Variants in SCHIP1 observed in about 807,000 individuals in gnomAD.
The protein encoded by SCHIP1 is schwannomin-interacting protein 1.
Under a neutral mutation model 29.7 loss-of-function variants are expected in SCHIP1, and 8 were observed. The observed-to-expected ratio is 0.27, with a 90% confidence interval of 0.16 to 0.49. The LOEUF is 0.49. SCHIP1 is among the 20% of genes least tolerant of loss of function. SCHIP1 has a pLI of 0.99. For synonymous variants in SCHIP1, 76 were observed against 94.9 expected (o/e 0.80, Z 1.16); for missense variants, 193 against 294.6 (o/e 0.66, Z 2.52).
the SCHIP1 span, among the ~76,000 whole-genome samples, chr3:159,409,206 C>A: frequency 6.6e-6 from 1 of 152,006 alleles, no homozygotes; most frequent in Non-Finnish European, 1.5e-5. Flanking sequence ...AAACTAAAAG[C>A]CTTTTCTCTA....
the SCHIP1 span, among the ~76,000 whole-genome samples, chr3:159,470,744 G>T: frequency 6.6e-6 from 1 of 151,782 alleles, no homozygotes; most frequent in Non-Finnish European, 1.5e-5. Flanking sequence ...ATCAACTGTC[G>T]AACCAAAACA....
At chr3:159,587,256 T>C in the SCHIP1 span, among the ~76,000 whole-genome samples, 1 of 152,230 alleles carries the variant, frequency 6.6e-6, no homozygotes, top group African/African-American at 2.4e-5. Flanking sequence ...TTTTGAATTA[T>C]GTATCATCTT....
chr3:159,659,111 C>T, the SCHIP1 span, among the ~76,000 whole-genome samples: 1 of 152,202 alleles, frequency 6.6e-6, no homozygotes, highest in Non-Finnish European at 1.5e-5. Flanking sequence ...GCACATAGTA[C>T]ATACTTGAAA....
At chr3:159,403,295 A>G in the SCHIP1 span, among the ~76,000 whole-genome samples, 18 of 152,334 alleles carry the variant, frequency 1.2e-4, no homozygotes, top group African/African-American at 4.3e-4. Flanking sequence ...ATGAACAAGT[A>G]TCCACACCAA....
the SCHIP1 span, among the ~76,000 whole-genome samples, chr3:159,706,024 C>A: frequency 9.2e-5 from 14 of 152,094 alleles, no homozygotes; most frequent in African/African-American, 2.4e-5. Flanking sequence ...GACTCTTGAT[C>A]AGGGATCCAA....
the SCHIP1 span, among the ~76,000 whole-genome samples, chr3:159,714,666 C>A: frequency 6.6e-6 from 1 of 152,136 alleles, no homozygotes; most frequent in Admixed American, 6.5e-5. Flanking sequence ...CAGTCTGAGA[C>A]CAAACTGCAA....
At chr3:159,523,837 C>T in the SCHIP1 span, among the ~76,000 whole-genome samples, 1 of 152,320 alleles carries the variant, frequency 6.6e-6, no homozygotes, top group East Asian at 1.9e-4. Flanking sequence ...CAATGTAACA[C>T]ACACTCCAAT....
the SCHIP1 span, among the ~76,000 whole-genome samples, chr3:159,492,632 AC>A: frequency 6.6e-6 from 1 of 152,226 alleles, no homozygotes; most frequent in Non-Finnish European, 1.5e-5. Flanking sequence ...TAATTGCTGT[AC>A]CTGAAAGTGA....
chr3:159,565,552 C>T, the SCHIP1 span, among the ~76,000 whole-genome samples: 1 of 152,178 alleles, frequency 6.6e-6, no homozygotes, highest in Non-Finnish European at 1.5e-5. Context: ...TCCTTCTCCA[C>T]AAGGAGAGAG....
chr3:159,631,998 A>G, the SCHIP1 span, among the ~76,000 whole-genome samples: 1,866 of 152,194 alleles, frequency 0.012, 41 homozygotes, highest in African/African-American at 0.042. Flanking sequence ...TAAAAACTCT[A>G]AATTTTACTT....
the SCHIP1 span, among the ~76,000 whole-genome samples, chr3:159,283,000 C>A: frequency 6.6e-6 from 1 of 152,004 alleles, no homozygotes; most frequent in Non-Finnish European, 1.5e-5. Flanking sequence ...TGCATCAAAT[C>A]TGTAAACTAA....
the SCHIP1 span, among the ~76,000 whole-genome samples, chr3:159,430,676 A>C: frequency 6.6e-6 from 1 of 152,290 alleles, no homozygotes; most frequent in African/African-American, 2.4e-5. Flanking sequence ...TGAAAGCCCC[A>C]TGTGAGAAAT....
the SCHIP1 span, among the ~76,000 whole-genome samples, chr3:159,425,656 A>C: frequency 8.5e-5 from 13 of 152,174 alleles, no homozygotes; most frequent in African/African-American, 3.1e-4. Context: ...TAACAAGGAT[A>C]CCCAGGAATT....
the SCHIP1 span, among the ~76,000 whole-genome samples, chr3:159,618,605 T>C: frequency 6.6e-6 from 1 of 152,254 alleles, no homozygotes; most frequent in Admixed American, 6.5e-5. Flanking sequence ...TTTTGTTTTC[T>C]TGAAGTAGTC....
At chr3:159,533,501 A>G in the SCHIP1 span, among the ~76,000 whole-genome samples, 1 of 152,180 alleles carries the variant, frequency 6.6e-6, no homozygotes, top group African/African-American at 2.4e-5. Context: ...ACAGCAACCA[A>G]TGAGGCTTTT....
the SCHIP1 span, among the ~76,000 whole-genome samples, chr3:159,512,387 A>G: frequency 6.6e-6 from 1 of 152,196 alleles, no homozygotes; most frequent in Non-Finnish European, 1.5e-5. Flanking sequence ...ATTTGACAGT[A>G]AAAAGCAAAC....
the SCHIP1 span, among the ~76,000 whole-genome samples, chr3:159,743,957 A>G: frequency 6.6e-6 from 1 of 152,222 alleles, no homozygotes; most frequent in Non-Finnish European, 1.5e-5. Context: ...CCTAACTCAC[A>G]GTCTCAAAAG....
chr3:159,833,180 G>T, the SCHIP1 span, among the ~76,000 whole-genome samples: 13 of 152,108 alleles, frequency 8.5e-5, no homozygotes, highest in Non-Finnish European at 1.5e-4. Context: ...CAAATTTATT[G>T]GTATTATAAT....
At chr3:159,365,652 G>A in the SCHIP1 span, among the ~76,000 whole-genome samples, 13 of 151,980 alleles carry the variant, frequency 8.6e-5, no homozygotes, top group Admixed American at 2.0e-4. Context: ...ATCTAGAGTC[G>A]TCCCCTGGAA....
Sources: gnomAD v4.1 joint callset for allele counts (sites outside exome capture counted in the v4.1 genomes callset) on GRCh38, gnomAD v4.1.1 for gene constraint, MANE v1.5 for transcripts, NCBI Gene and HGNC (gene_info 2026-07-23, HGNC 2026-07-21) for gene names.